KHDRBS3: variants seen among roughly 807,000 people sequenced by gnomAD.
KHDRBS3 encodes KH domain-containing, RNA-binding, signal transduction-associated protein 3.
Under a neutral mutation model 45.6 loss-of-function variants are expected in KHDRBS3, and 23 were observed. The observed-to-expected ratio is 0.50, with a 90% CI of 0.36 to 0.72. KHDRBS3 has a LOEUF of 0.72. Among genes scored for constraint, KHDRBS3 ranks in the 30% least tolerant of loss-of-function variants. The probability of loss-of-function intolerance (pLI) is 0.00; values close to 1 mark genes in which losing one functional copy is unlikely to be tolerated. For synonymous variants in KHDRBS3, 162 were observed against 156.5 expected, an observed-to-expected ratio of 1.04 and a Z score of -0.26; for missense variants, 352 against 424.8, an observed-to-expected ratio of 0.83 and a Z score of 1.51.
chr8:135,566,857 C>G (rs1168324640), intron 5 of KHDRBS3, among the ~76,000 whole-genome samples: 1 of 152,158 alleles, frequency 6.6e-6, no homozygotes, highest in Admixed American at 6.5e-5. Flanking sequence ...AATATTCAAA[C>G]CTAGTAGTAC....
chr8:135,644,115 T>C (rs886767513), intron 7 of KHDRBS3, among the ~76,000 whole-genome samples: 5 of 152,192 alleles, frequency 3.3e-5, no homozygotes, highest in Admixed American at 1.3e-4. Context: ...ATGGAAACTC[T>C]TTCTCAAATA....
intron 1 of KHDRBS3, among the ~76,000 whole-genome samples, chr8:135,497,447 TGTAA>T (rs1034444529): frequency 4.6e-5 from 7 of 152,166 alleles, no homozygotes; most frequent in East Asian, 1.9e-4. Flanking sequence ...CTTTAGGGTT[TGTAA>T]GTGTTTCTTT....
At chr8:135,545,696 T>G (rs1286365720) in intron 3 of KHDRBS3, among the ~76,000 whole-genome samples, 2 of 152,218 alleles carry the variant, frequency 1.3e-5, no homozygotes, top group Admixed American at 6.5e-5. Context: ...CCACCAGTTT[T>G]GTCTATCTCT....
intron 6 of KHDRBS3, among the ~76,000 whole-genome samples, chr8:135,595,757 A>T (rs1043710923): frequency 1.3e-5 from 2 of 152,212 alleles, no homozygotes; most frequent in Non-Finnish European, 2.9e-5. Context: ...CACTTGGAAG[A>T]ATGAATGAAT....
intron 5 of KHDRBS3, 113 bp from the exon 6 acceptor site, chr8:135,581,765 C>G (rs1344082940): frequency 5.5e-6 from 5 of 909,690 alleles, no homozygotes; most frequent in Non-Finnish European, 8.0e-6. Flanking sequence ...CTTCCTTCTT[C>G]CTTTTTACAA....
At chr8:135,510,017 CTG>C (rs2130572748) in intron 1 of KHDRBS3, among the ~76,000 whole-genome samples, 1 of 135,374 alleles carries the variant, frequency 7.4e-6, no homozygotes, top group East Asian at 2.3e-4. Context: ...GTCTCTCTCT[CTG>C]TGCAGGCTGG....
rs1181548179 is a variant in KHDRBS3, at chr8:135,615,362, C to G, written c.890+8325C>G. ...ATATTGACCATCTGCTGTAGTGTATCAGACACACACACACACACACAACCA... is the reference window on the plus strand; with the variant it reads ...ATATTGACCATCTGCTGTAGTGTATGAGACACACACACACACACACAACCA... On this transcript the variant is annotated intron_variant, in intron 7 of 8. Coordinates refer to ENST00000355849, the MANE Select transcript of KHDRBS3 (RefSeq NM_006558.3). Among the ~76,000 whole-genome samples the G allele has an allele frequency of 3.3e-5, 5 of 151,640 alleles. No homozygotes were observed. The East Asian group carries it at 9.7e-4, about 29-fold the overall frequency.
intron 5 of KHDRBS3, among the ~76,000 whole-genome samples, chr8:135,573,845 G>A (rs1827823017): frequency 6.6e-6 from 1 of 151,930 alleles, no homozygotes; most frequent in South Asian, 2.1e-4. Context: ...GTGTCACCCT[G>A]CTGAAAAACC....
chr8:135,596,241 C>T (rs1041221410), intron 6 of KHDRBS3, among the ~76,000 whole-genome samples: 2 of 152,038 alleles, frequency 1.3e-5, no homozygotes, highest in Non-Finnish European at 2.9e-5. Context: ...TCTGGTGGAA[C>T]CCTGGTGAGA....
intron 2 of KHDRBS3, chr8:135,539,526 A>G (rs1295566768): frequency 1.3e-5 from 2 of 152,256 alleles, no homozygotes; most frequent in African/African-American, 2.4e-5. Context: ...AAAATTGTAT[A>G]TATCCACAAC....
At chr8:135,504,135 A>C (rs1470425766) in intron 1 of KHDRBS3, among the ~76,000 whole-genome samples, 1 of 151,958 alleles carries the variant, frequency 6.6e-6, no homozygotes, top group Non-Finnish European at 1.5e-5. Flanking sequence ...CTGTGATTTG[A>C]ATGTATGTTT....
At chr8:135,654,051 G>A (rs984762043) in intron 4 of KHDRBS3, among the ~76,000 whole-genome samples, 3 of 152,140 alleles carry the variant, frequency 2.0e-5, no homozygotes, top group South Asian at 4.1e-4. Flanking sequence ...TCCAGAGATA[G>A]TCTGTGCATA....
chr8:135,617,586 CTAT>C, intron 7 of KHDRBS3, among the ~76,000 whole-genome samples: 1 of 152,194 alleles, frequency 6.6e-6, no homozygotes, highest in Non-Finnish European at 1.5e-5. Context: ...CCAGTAGCTA[CTAT>C]TATTATACCA....
chr8:135,492,836 C>T (rs1229131223), intron 1 of KHDRBS3, among the ~76,000 whole-genome samples: 1 of 152,092 alleles, frequency 6.6e-6, no homozygotes, highest in South Asian at 2.1e-4. Context: ...TTAGGATCAG[C>T]TTACTGATTT....
chr8:135,503,063 T>C (rs538431966), intron 1 of KHDRBS3, among the ~76,000 whole-genome samples: 2 of 152,326 alleles, frequency 1.3e-5, no homozygotes, highest in East Asian at 1.9e-4. Context: ...TAGAAAGTTA[T>C]CTTGGACAGT....
intron 5 of KHDRBS3, among the ~76,000 whole-genome samples, chr8:135,566,371 T>C (rs1206219083): frequency 6.6e-6 from 1 of 152,192 alleles, no homozygotes; most frequent in Non-Finnish European, 1.5e-5. Flanking sequence ...GGAACTTGAT[T>C]TTTTAATGTT....
intron 1 of KHDRBS3, among the ~76,000 whole-genome samples, chr8:135,505,602 G>GA (rs1823955509): frequency 6.6e-6 from 1 of 152,110 alleles, no homozygotes; most frequent in Non-Finnish European, 1.5e-5. Flanking sequence ...CCCAAAAAGC[G>GA]AATGGGGAGT....
chr8:135,605,976 A>G (rs1829442440), intron 6 of KHDRBS3, among the ~76,000 whole-genome samples: 3 of 151,888 alleles, frequency 2.0e-5, no homozygotes, highest in Admixed American at 6.6e-5. Flanking sequence ...AATTTTTTCC[A>G]TGGTTTCTTG....
chr8:135,549,766 C>T (rs1196784622), intron 4 of KHDRBS3: 1 of 152,168 alleles, frequency 6.6e-6, no homozygotes, highest in Non-Finnish European at 1.5e-5. Flanking sequence ...GATTGACTTA[C>T]ATACTACAGC....
Sources: gnomAD v4.1 joint callset for allele counts (sites outside exome capture counted in the v4.1 genomes callset) on GRCh38, gnomAD v4.1.1 for gene constraint, MANE v1.5 for transcripts, NCBI Gene and HGNC (gene_info 2026-07-23, HGNC 2026-07-21) for gene names.